ASIC2: variants seen among roughly 807,000 people sequenced by gnomAD.
ASIC2 encodes the protein acid-sensing ion channel 2.
Under a neutral mutation model 57.3 loss-of-function variants are expected in ASIC2, and 25 were observed. The observed-to-expected ratio is 0.44, with a 90% CI of 0.32 to 0.61. The LOEUF (loss-of-function observed/expected upper bound fraction) is 0.61. Ranked by LOEUF, ASIC2 falls within the 20% of genes least tolerant of loss-of-function variation. The pLI, the probability that ASIC2 is intolerant of heterozygous loss-of-function variation, is 0.06. For synonymous variants in ASIC2, 319 were observed against 307.5 expected (o/e 1.04, Z -0.39); for missense variants, 641 against 738.1 (o/e 0.87, Z 1.52).
intron 1 of ASIC2, among the ~76,000 whole-genome samples, chr17:33,351,129 C>G (rs1908158439): frequency 6.6e-6 from 1 of 152,188 alleles, no homozygotes; most frequent in Non-Finnish European, 1.5e-5. Context: ...TACTTGAATT[C>G]TTTAAGCCTC....
intron 1 of ASIC2, among the ~76,000 whole-genome samples, chr17:33,610,837 G>A (rs1342038886): frequency 6.6e-6 from 1 of 152,204 alleles, no homozygotes; most frequent in Non-Finnish European, 1.5e-5. Flanking sequence ...CGAGGCTGCA[G>A]TGAGCTATGA....
At chr17:33,415,274 A>G (rs113009797) in intron 1 of ASIC2, among the ~76,000 whole-genome samples, 2,975 of 152,324 alleles carry the variant, frequency 0.02, 44 homozygotes, top group African/African-American at 0.045. Context: ...GCTCGAATCT[A>G]ATATGGAATA....
At chr17:34,109,487 T>C (rs185449463) in intron 1 of ASIC2, among the ~76,000 whole-genome samples, 11 of 152,320 alleles carry the variant, frequency 7.2e-5, no homozygotes, top group African/African-American at 2.6e-4. Flanking sequence ...ATGAGAATCA[T>C]CTGTCTTTAC....
chr17:33,935,999 C>A (rs976398032), intron 1 of ASIC2: 2 of 152,260 alleles, frequency 1.3e-5, no homozygotes, highest in African/African-American at 4.8e-5. Flanking sequence ...GGGCAGGTGA[C>A]TTACCTCTCT....
At chr17:33,074,338 G>A (rs1407115307) in intron 3 of ASIC2, among the ~76,000 whole-genome samples, 2 of 152,184 alleles carry the variant, frequency 1.3e-5, no homozygotes, top group African/African-American at 2.4e-5. Flanking sequence ...CCTCCCTTCT[G>A]TGTTGGCCCT....
chr17:34,098,710 T>A (rs147640562), intron 1 of ASIC2, among the ~76,000 whole-genome samples: 112 of 152,038 alleles, frequency 7.4e-4, no homozygotes, highest in African/African-American at 2.6e-3. Flanking sequence ...ATTAGCATCA[T>A]TAGGGTGAGA....
intron 1 of ASIC2, among the ~76,000 whole-genome samples, chr17:33,132,446 G>C (rs189488216): frequency 6.2e-4 from 94 of 152,262 alleles, no homozygotes; most frequent in African/African-American, 2.1e-3. Flanking sequence ...TAACATTCAA[G>C]CAGAGTGAGG....
intron 1 of ASIC2, among the ~76,000 whole-genome samples, chr17:34,089,801 G>T (rs1028257496): frequency 6.6e-6 from 1 of 152,024 alleles, no homozygotes; most frequent in African/African-American, 2.4e-5. Flanking sequence ...ACCTCCACCT[G>T]CCTTTTTCTA....
chr17:33,842,362 G>A (rs1426779685), intron 1 of ASIC2, among the ~76,000 whole-genome samples: 2 of 152,168 alleles, frequency 1.3e-5, no homozygotes, highest in Non-Finnish European at 1.5e-5. Flanking sequence ...CCCAGCTCGG[G>A]ACACACATTA....
intron 1 of ASIC2, among the ~76,000 whole-genome samples, chr17:33,231,050 G>A (rs1908072857): frequency 6.6e-6 from 1 of 152,150 alleles, no homozygotes; most frequent in African/African-American, 2.4e-5. Context: ...CCCAGCTTTG[G>A]GAGCCTAAGA....
At chr17:34,023,938 A>G (rs180714848) in intron 1 of ASIC2, among the ~76,000 whole-genome samples, 131 of 152,308 alleles carry the variant, frequency 8.6e-4, no homozygotes, top group African/African-American at 3.1e-3. Flanking sequence ...CTGTATCCCT[A>G]TAACATACAG....
intron 1 of ASIC2, among the ~76,000 whole-genome samples, chr17:33,202,529 T>TG (rs1384376863): frequency 6.6e-6 from 1 of 152,190 alleles, no homozygotes; most frequent in South Asian, 2.1e-4. Context: ...GCACCTCCCG[T>TG]GGGGGTCCAT....
intron 1 of ASIC2, among the ~76,000 whole-genome samples, chr17:33,436,850 CTTCTTTTTTTTTTTTTTTTTT>C (rs1200424233): frequency 2.6e-5 from 2 of 76,038 alleles, no homozygotes; most frequent in African/African-American, 8.8e-5. Context: ...CACATTCCAA[CTTCTTTTTTTTTTTTTTTTTT>C]TTTTTTTTTT....
intron 1 of ASIC2, among the ~76,000 whole-genome samples, chr17:33,879,656 G>A (rs1914648576): frequency 6.6e-6 from 1 of 152,038 alleles, no homozygotes; most frequent in South Asian, 2.1e-4. Flanking sequence ...AATAATAATG[G>A]GAGACTTTAA....
At chr17:33,203,652 T>A (rs989553080) in intron 1 of ASIC2, among the ~76,000 whole-genome samples, 1 of 152,086 alleles carries the variant, frequency 6.6e-6, no homozygotes, top group Non-Finnish European at 1.5e-5. Context: ...GGGTTGGCAA[T>A]GTTATTAAGG....
At chr17:34,152,812 C>T (rs1904575787) in intron 1 of ASIC2, among the ~76,000 whole-genome samples, 1 of 152,188 alleles carries the variant, frequency 6.6e-6, no homozygotes, top group Admixed American at 6.5e-5. Context: ...CTCACATTAT[C>T]CAACACCATG....
chr17:33,353,870 C>G (rs12946336), intron 1 of ASIC2, among the ~76,000 whole-genome samples: 48,244 of 152,056 alleles, frequency 0.32, 8,045 homozygotes, highest in Admixed American at 0.38. Flanking sequence ...GCTATACTTG[C>G]CATGTGTATC....
chr17:33,365,671 T>C (rs2141934575), intron 1 of ASIC2, among the ~76,000 whole-genome samples: 1 of 152,266 alleles, frequency 6.6e-6, no homozygotes, highest in South Asian at 2.1e-4. Context: ...ATGTCACTTC[T>C]TCTTCCTGGC....
At chr17:34,115,655 A>T (rs778069785) in intron 1 of ASIC2, among the ~76,000 whole-genome samples, 3 of 152,198 alleles carry the variant, frequency 2.0e-5, no homozygotes, top group Non-Finnish European at 4.4e-5. Flanking sequence ...ACCAGGCCGA[A>T]CATTTTCAAT....
Sources: allele counts gnomAD v4.1 joint callset (sites outside exome capture counted in the v4.1 genomes callset), GRCh38; gene constraint gnomAD v4.1.1; transcripts MANE v1.5; gene names NCBI Gene and HGNC (gene_info 2026-07-23, HGNC 2026-07-21).